The following TIAL1 variants were observed in gnomAD, a reference collection of about 807,000 sequenced individuals.
TIAL1 encodes nucleolysin TIAR.
Under a neutral mutation model 59.7 loss-of-function variants are expected in TIAL1, and 7 were observed. The observed-to-expected ratio is 0.12, with a 90% CI of 0.07 to 0.22. The LOEUF is 0.22. Ranked by LOEUF, TIAL1 falls within the 10% of genes least tolerant of loss-of-function variation. TIAL1 has a pLI of 1.00. For synonymous variants in TIAL1, 149 were observed against 146.3 expected, an observed-to-expected ratio of 1.02 and a Z score of -0.13; for missense variants, 225 against 462.5, an observed-to-expected ratio of 0.49 and a Z score of 4.71.
Position 119,596,503 on chromosome 10 carries a change from G to A in TIAL1, c.-38C>T, listed in dbSNP as rs1365518788. On this transcript the variant is annotated 5_prime_UTR_variant, in exon 1 of 12. Transcript: ENST00000436547. ...GGAGCGATCCCGGGACAAGGGGGAG[G>A]GCAGGGTTGGGGAGGGGAGGGGGTG... is the stretch of plus-strand genomic sequence containing the variant. The A allele has an allele frequency of 3.1e-6, 4 of 1,298,482 alleles. No individual in the cohort carries two copies. In the South Asian group the frequency reaches 3.8e-5, roughly 12 times the overall value. 80.4% of individuals were successfully genotyped at this position (1,298,482 alleles called of 1,614,324 possible).
intron 7 of TIAL1, among the ~76,000 whole-genome samples, chr10:119,578,156 C>T (rs1228634883): frequency 7.7e-6 from 1 of 129,162 alleles, no homozygotes; most frequent in Non-Finnish European, 1.6e-5. Context: ...ACCTGCGAGG[C>T]GGAGGTTGCA....
intron 5 of TIAL1, among the ~76,000 whole-genome samples, chr10:119,581,244 A>AT (rs1409199212): frequency 1.3e-5 from 2 of 151,980 alleles, no homozygotes; most frequent in African/African-American, 2.4e-5. Context: ...TTTCCAATAT[A>AT]TTTTTTACCA....
At chr10:119,590,914 C>T (rs1055825089) in intron 1 of TIAL1, among the ~76,000 whole-genome samples, 1 of 152,128 alleles carries the variant, frequency 6.6e-6, no homozygotes, top group Admixed American at 6.5e-5. Context: ...ATGGATAAAA[C>T]TGGTTTTCAC....
chr10:119,596,963 G>C lies in TIAL1; in HGVS notation c.-498C>G, dbSNP rs1234042542. Reference sequence around the variant, plus strand: ...GGAAATGAGAGAGGGAAGCACTTCTGCAGAGGACTTCTGGAACCTGTGGTT... The same window carrying C: ...GGAAATGAGAGAGGGAAGCACTTCTCCAGAGGACTTCTGGAACCTGTGGTT... On this transcript the variant is annotated 5_prime_UTR_variant, in exon 1 of 12. Transcript: ENST00000436547. 5.8e-6 allele frequency: 1 copy of C among 171,200 alleles called. No homozygotes were observed. The highest frequency in any genetic ancestry group is 1.8e-4 in the East Asian group (1 of 5,416). 10.6% of individuals were successfully genotyped at this position (171,200 alleles called of 1,614,324 possible).
At chr10:119,576,980 C>A in intron 10 of TIAL1, 100 bp downstream of exon 10, 1 of 1,458,936 alleles carries the variant, frequency 6.9e-7, no homozygotes, top group South Asian at 1.3e-5. Flanking sequence ...CTGAAAGTAG[C>A]TATATGCTTT....
chr10:119,594,971 A>G (rs1164408778), intron 1 of TIAL1, among the ~76,000 whole-genome samples: 1 of 152,204 alleles, frequency 6.6e-6, no homozygotes, highest in Non-Finnish European at 1.5e-5. Context: ...TAGGGAGAGA[A>G]GGCAGAAATG....
At chr10:119,589,089 T>C (rs1845719760) in intron 1 of TIAL1, among the ~76,000 whole-genome samples, 3 of 152,216 alleles carry the variant, frequency 2.0e-5, no homozygotes, top group African/African-American at 7.2e-5. Context: ...GGAGGGTTTT[T>C]GTTGTTTTGT....
At chr10:119,578,980 T>C (rs942915901) in intron 6 of TIAL1, 146 bp from the exon 7 acceptor site, 4 of 632,980 alleles carry the variant, frequency 6.3e-6, no homozygotes, top group South Asian at 6.0e-5. Context: ...AACTGAACTA[T>C]TACCAATTAG....
intron 5 of TIAL1, among the ~76,000 whole-genome samples, chr10:119,581,355 A>G (rs533136753): frequency 6.6e-6 from 1 of 152,132 alleles, no homozygotes; most frequent in South Asian, 2.1e-4. Flanking sequence ...CATCTAATTA[A>G]TCCCACATTT....
intron 2 of TIAL1, among the ~76,000 whole-genome samples, chr10:119,585,496 G>A (rs970807424): frequency 2.6e-5 from 4 of 151,304 alleles, no homozygotes; most frequent in African/African-American, 7.3e-5. Flanking sequence ...CTTATTTAGC[G>A]TTGTCACCAA....
At chr10:119,592,791 ACTCT>A (rs71016582) in intron 1 of TIAL1, among the ~76,000 whole-genome samples, 16 of 150,718 alleles carry the variant, frequency 1.1e-4, no homozygotes, top group African/African-American at 2.9e-4. Flanking sequence ...ACACACACTC[ACTCT>A]CTCTCTCTTA....
intron 1 of TIAL1, chr10:119,588,467 C>A: frequency 3.3e-6 from 1 of 304,422 alleles, no homozygotes. Flanking sequence ...TCTCAGCCTC[C>A]CAAGTAGCTG....
At position 119,578,664 on chromosome 10, in the gene TIAL1, A is replaced by C. The variant is rs945125287; in HGVS notation, c.556+62T>G. The stretch of plus-strand genomic sequence containing the variant: ...ATAAATTAGAAATTGAGACTAGATG[A>C]ATACATGATACATGATTTTGTGAAG... On this transcript the variant is annotated intron_variant, in intron 7 of 11. Transcript: ENST00000436547. 6.7e-5 allele frequency: 91 copies of C among 1,349,632 alleles called. 1 individual carries two copies. The Middle Eastern group carries it at 7.2e-4, about 11-fold the overall frequency. 83.6% of individuals were successfully genotyped at this position (1,349,632 alleles called of 1,614,324 possible).
chr10:119,586,003 C>A (rs542367978), intron 2 of TIAL1, among the ~76,000 whole-genome samples: 8 of 152,182 alleles, frequency 5.3e-5, no homozygotes, highest in Non-Finnish European at 1.2e-4. Context: ...TCAGACCTCA[C>A]GGCCTCTGTG....
At chr10:119,589,022 A>G (rs1056193258) in intron 1 of TIAL1, among the ~76,000 whole-genome samples, 2 of 152,230 alleles carry the variant, frequency 1.3e-5, no homozygotes, top group Non-Finnish European at 2.9e-5. Flanking sequence ...ATTCCCAACC[A>G]AAGCAATTAC....
At position 119,575,644 on chromosome 10, in the gene TIAL1, A is replaced by G; in HGVS notation, c.*21T>C. The stretch of plus-strand genomic sequence containing the variant: ...AAATCGAAGCCTATCATGAATTACA[A>G]TTTTTTTTTAGAGTCCCGGCTCACT... On this transcript the variant is annotated 3_prime_UTR_variant, in exon 12 of 12. Transcript: ENST00000436547. 2 of 1,581,146 alleles carry G rather than the reference A, an allele frequency of 1.3e-6. No homozygotes were observed. Among genetic ancestry groups the G allele is most frequent in the South Asian group, 1.1e-5 (1 of 89,276 alleles).
intron 5 of TIAL1, chr10:119,580,787 C>A: frequency 8.9e-7 from 1 of 1,121,466 alleles, no homozygotes; most frequent in Non-Finnish European, 1.1e-6. Flanking sequence ...CAACTGAGTT[C>A]CAGTGTGCAC....
At chr10:119,588,361 T>A (rs1230467592) in intron 1 of TIAL1, 113 bp from the exon 2 acceptor site, 12 of 588,970 alleles carry the variant, frequency 2.0e-5, no homozygotes, top group African/African-American at 3.9e-5. Flanking sequence ...CTTTTTTTTT[T>A]AGATGGAGTT....
chr10:119,576,202 G>GA (rs34336844), intron 11 of TIAL1, among the ~76,000 whole-genome samples: 18,342 of 109,192 alleles, frequency 0.17, 1,490 homozygotes, highest in African/African-American at 0.24. Flanking sequence ...ATCAACAAAA[G>GA]AAAAAAAAAA....
Sources: gnomAD v4.1 joint callset for allele counts (sites outside exome capture counted in the v4.1 genomes callset) on GRCh38, gnomAD v4.1.1 for gene constraint, MANE v1.5 for transcripts, NCBI Gene and HGNC (gene_info 2026-07-23, HGNC 2026-07-21) for gene names.